FBXL2: variants seen among roughly 807,000 people sequenced by gnomAD.
FBXL2 encodes F-box/LRR-repeat protein 2.
A neutral mutation model predicts 69.2 loss-of-function variants in FBXL2; 38 were observed. The observed-to-expected ratio is 0.55, with a 90% confidence interval of 0.42 to 0.72. FBXL2 has a LOEUF of 0.72. FBXL2 is among the 30% of genes least tolerant of loss of function. The pLI is 0.00. For missense variants in FBXL2, 354 were observed against 520.3 expected, an observed-to-expected ratio of 0.68 and a Z score of 3.11; for synonymous variants, 192 against 201.3, an observed-to-expected ratio of 0.95 and a Z score of 0.39.
At chr3:33,349,351 T>C (rs2040670212) in intron 2 of FBXL2, among the ~76,000 whole-genome samples, 1 of 152,202 alleles carries the variant, frequency 6.6e-6, no homozygotes, top group South Asian at 2.1e-4. Context: ...TCAGTATCAA[T>C]TGAATTGATC....
chr3:33,377,504 G>A (rs975996182), intron 11 of FBXL2, among the ~76,000 whole-genome samples, 171 bp downstream of exon 11: 1 of 152,126 alleles, frequency 6.6e-6, no homozygotes, highest in Admixed American at 6.5e-5. Context: ...CAGAAATCTA[G>A]GGAAGTCCTA....
intron 1 of FBXL2, among the ~76,000 whole-genome samples, chr3:33,293,777 C>T (rs914442437): frequency 3.3e-5 from 5 of 152,168 alleles, no homozygotes; most frequent in African/African-American, 1.2e-4. Flanking sequence ...ACCCCAGCAT[C>T]AGTTGGAGAC....
downstream of FBXL2, among the ~76,000 whole-genome samples, chr3:33,406,054 T>G (rs1318816939): frequency 6.6e-6 from 1 of 152,234 alleles, no homozygotes. Context: ...ATAAACTTAT[T>G]GCATGGCATA....
At chr3:33,409,679 C>G in the FBXL2 span, 1 of 1,539,496 alleles carries the variant, frequency 6.5e-7, no homozygotes, top group East Asian at 2.3e-5. Context: ...TCTTGAGTGA[C>G]CTGACACCAC....
the FBXL2 span, among the ~76,000 whole-genome samples, chr3:33,420,403 GC>G: frequency 6.6e-6 from 1 of 151,816 alleles, no homozygotes; most frequent in Non-Finnish European, 1.5e-5. Flanking sequence ...TGGGCTCACT[GC>G]AACCTCCCTC....
At chr3:33,390,823 T>C (rs983236603), downstream of FBXL2, 1 of 155,990 alleles carries the variant, frequency 6.4e-6, no homozygotes, top group Admixed American at 6.4e-5. Context: ...AACTGTATCA[T>C]TCCTTTTGCC....
At chr3:33,333,983 A>G (rs1352180848) in intron 2 of FBXL2, among the ~76,000 whole-genome samples, 1 of 152,150 alleles carries the variant, frequency 6.6e-6, no homozygotes, top group Non-Finnish European at 1.5e-5. Context: ...AGCTGATCTA[A>G]GTGTACTTTT....
intron 1 of FBXL2, among the ~76,000 whole-genome samples, chr3:33,284,164 T>C (rs1290556275): frequency 6.6e-6 from 1 of 152,218 alleles, no homozygotes; most frequent in Non-Finnish European, 1.5e-5. Flanking sequence ...TTAGATCTTT[T>C]CTGCTTTCTC....
chr3:33,368,881 C>T (rs531952552), intron 5 of FBXL2, among the ~76,000 whole-genome samples: 304 of 150,568 alleles, frequency 2.0e-3, no homozygotes, highest in Middle Eastern at 3.6e-3. Context: ...CCACCGTGCC[C>T]AGCTGGGTGT....
intron 12 of FBXL2, chr3:33,396,406 A>G (rs1003217881): frequency 2.9e-6 from 2 of 684,230 alleles, no homozygotes; most frequent in African/African-American, 3.6e-5. Flanking sequence ...ATTTCGTTAT[A>G]CAAAGTAATT....
chr3:33,402,990 G>T (rs188923327), intron 12 of FBXL2: 3 of 1,162,170 alleles, frequency 2.6e-6, no homozygotes, highest in Admixed American at 2.1e-5. Flanking sequence ...CTAACCAAAT[G>T]CAAGATTATA....
chr3:33,353,291 T>G (rs927785877), intron 2 of FBXL2, among the ~76,000 whole-genome samples: 2 of 152,174 alleles, frequency 1.3e-5, no homozygotes, highest in African/African-American at 4.8e-5. Flanking sequence ...TTTATCCAAA[T>G]GAGTAGAAAA....
intron 2 of FBXL2, among the ~76,000 whole-genome samples, chr3:33,318,357 C>T (rs1385753286): frequency 6.6e-6 from 1 of 152,134 alleles, no homozygotes; most frequent in African/African-American, 2.4e-5. Context: ...TTTCTCTTTT[C>T]TCTTCCCTTT....
chr3:33,308,370 G>A (rs1173924910), intron 2 of FBXL2, among the ~76,000 whole-genome samples: 1 of 152,046 alleles, frequency 6.6e-6, no homozygotes, highest in Non-Finnish European at 1.5e-5. Context: ...TTATTTCTAG[G>A]CATTTTCAGT....
intron 2 of FBXL2, among the ~76,000 whole-genome samples, chr3:33,332,920 G>T (rs999596902): frequency 1.3e-5 from 2 of 152,126 alleles, no homozygotes; most frequent in Admixed American, 6.6e-5. Flanking sequence ...GCCATAAAAA[G>T]GAAAGGACTA....
At chr3:33,421,567 G>C in the FBXL2 span, among the ~76,000 whole-genome samples, 2 of 152,186 alleles carry the variant, frequency 1.3e-5, no homozygotes, top group Non-Finnish European at 2.9e-5. Context: ...ACCGCACCCA[G>C]CCTTAAACAC....
chr3:33,404,485 TAA>T (rs147464429), downstream of FBXL2, among the ~76,000 whole-genome samples: 11,677 of 144,372 alleles, frequency 0.081, 513 homozygotes, highest in Admixed American at 0.1. Context: ...ATAATAGGAT[TAA>T]AAAAAAAAAA....
chr3:33,302,978 T>C (rs936818038), intron 2 of FBXL2: 2 of 437,504 alleles, frequency 4.6e-6, no homozygotes, highest in Non-Finnish European at 9.3e-6. Context: ...TATAGCCCAG[T>C]GCTTATCATA....
intron 1 of FBXL2, among the ~76,000 whole-genome samples, chr3:33,294,843 C>CAAAAA (rs372010327): frequency 2.2e-5 from 2 of 91,336 alleles, no homozygotes; most frequent in Non-Finnish European, 4.6e-5. Flanking sequence ...ACCCTGTTTC[C>CAAAAA]AAAAAAAAAA....
Sources: allele counts gnomAD v4.1 joint callset (sites outside exome capture counted in the v4.1 genomes callset), GRCh38; gene constraint gnomAD v4.1.1; transcripts MANE v1.5; gene names NCBI Gene and HGNC (gene_info 2026-07-23, HGNC 2026-07-21).